Variants in IRAG2 observed in about 807,000 individuals in gnomAD.
IRAG2 encodes inositol 1,4,5-triphosphate receptor associated 2, also known as lymphoid restricted membrane protein.
In IRAG2, 45 loss-of-function variants were observed where a neutral mutation model predicts 69.9. The observed-to-expected ratio is 0.64, with a 90% CI of 0.51 to 0.83. The LOEUF is 0.83. Ranked by LOEUF, IRAG2 falls within the 40% of genes least tolerant of loss-of-function variation. IRAG2 has a pLI of 0.00. For synonymous variants in IRAG2, 193 were observed against 202.4 expected, an observed-to-expected ratio of 0.95 and a Z score of 0.40; for missense variants, 520 against 587.0, an observed-to-expected ratio of 0.89 and a Z score of 1.18.
rs1947892498 is a variant in IRAG2 at position 25,089,628 on chromosome 12, CCT to C, written c.391_392del (p.Leu131SerfsTer9). On this transcript the variant is annotated frameshift_variant, in exon 12 of 22. Transcript: ENST00000556887. LOFTEE classifies it high-confidence loss of function. ...EHASGDSVVS[P>X]LPVTTVKSVN... ...TATTTTAATAGACTCTGTGGTTTCC[CCT>C]CTTCCTGTAACCACTGTGAAATCGG... The C allele has an allele frequency of 1.3e-6, 2 of 1,596,300 alleles. No homozygotes were observed. The highest frequency in any genetic ancestry group is 1.7e-6 in the Non-Finnish European group (2 of 1,165,338).
intron 3 of IRAG2, among the ~76,000 whole-genome samples, chr12:25,014,386 G>A (rs536418790): frequency 1.3e-5 from 2 of 152,308 alleles, no homozygotes; most frequent in East Asian, 3.9e-4. Flanking sequence ...AGAACTCTGT[G>A]TGAGTTCTTT....
At chr12:25,042,849 A>G (rs1447616874) in intron 16 of IRAG2, among the ~76,000 whole-genome samples, 1 of 152,146 alleles carries the variant, frequency 6.6e-6, no homozygotes, top group Non-Finnish European at 1.5e-5. Flanking sequence ...GTGAAAATAC[A>G]TATAAGTAAT....
Position 25,105,725 on chromosome 12 carries a change from T to A in IRAG2, c.1149-1218T>A, listed in dbSNP as rs544129622. Among the ~76,000 whole-genome samples the A allele has an allele frequency of 3.3e-5, 5 of 152,310 alleles. No homozygotes were observed. The South Asian group carries it at 1.0e-3, about 32-fold the overall frequency. ...GTATGGTATGATTTCTACTGAGAAG[T>A]CTTTGTAAACAAGACTGAAACCTTG... On this transcript the variant is annotated intron_variant, in intron 20 of 21. Transcript: ENST00000556887.
At chr12:25,058,445 G>A (rs1397054120) in intron 1 of IRAG2, among the ~76,000 whole-genome samples, 2 of 151,990 alleles carry the variant, frequency 1.3e-5, no homozygotes, top group African/African-American at 2.4e-5. Flanking sequence ...TTTATTCTTG[G>A]ATATAAGTCC....
At chr12:25,056,051 C>T (rs185313436) in intron 1 of IRAG2, among the ~76,000 whole-genome samples, 12 of 152,144 alleles carry the variant, frequency 7.9e-5, no homozygotes, top group Admixed American at 2.0e-4. Context: ...CTTATTTGAA[C>T]GTAGTATCTG....
intron 15 of IRAG2, chr12:25,100,961 T>A: frequency 5.1e-6 from 2 of 390,954 alleles, no homozygotes; most frequent in East Asian, 8.2e-5. Flanking sequence ...TTCCAGGTCT[T>A]AGTCATTTGC....
At chr12:25,004,598 T>A in exon 1 of IRAG2, 1 of 1,232,136 alleles carries the variant, frequency 8.1e-7, no homozygotes, top group East Asian at 3.2e-5. Flanking sequence ...GATGCCTTCA[T>A]TTCATCGCCT....
chr12:25,004,413 C>T (rs948754652), exon 1 of IRAG2: 4 of 1,232,016 alleles, frequency 3.2e-6, no homozygotes, highest in African/African-American at 3.1e-5. Context: ...AGATCAGAGC[C>T]ATCCACAAGA....
intron 1 of IRAG2, among the ~76,000 whole-genome samples, chr12:25,055,725 G>A (rs775920536): frequency 7.9e-5 from 12 of 152,118 alleles, no homozygotes; most frequent in Non-Finnish European, 1.3e-4. Flanking sequence ...CTGTCCTTGC[G>A]ATAGTTTGCT....
At chr12:25,050,548 C>CAAAAAAAAAAAAAAAAAAAAA (rs1282504216), upstream of IRAG2, among the ~76,000 whole-genome samples, 1 of 74,180 alleles carries the variant, frequency 1.3e-5, no homozygotes, top group Admixed American at 1.6e-4. Flanking sequence ...AACAAACAAA[C>CAAAAAAAAAAAAAAAAAAAAA]AAACAAAAAA....
In IRAG2 at chr12:25,107,009, T is replaced by C; in HGVS notation, c.1215T>C (p.Ser405=). ...AAAGGACAAGGAAGCCAAGTCTTTC[T>C]GAAAAGAAAAATAATCCATCAAAGT... ...TVERTRKPSL[S]EKKNNPSKWD... The change falls in exon 21 of 22, where the codon TCT becomes TCC. Residue 405 remains serine, a synonymous_variant. Coordinates refer to ENST00000556887, the MANE Select transcript of IRAG2 (RefSeq NM_001366544.2). The C allele has an allele frequency of 6.2e-7, 1 of 1,607,980 alleles. No homozygotes were observed. Among genetic ancestry groups the C allele is most frequent in the South Asian group, 1.1e-5 (1 of 90,348 alleles).
chr12:25,101,093 G>T, intron 15 of IRAG2, 85 bp from the exon 16 acceptor site: 1 of 1,175,910 alleles, frequency 8.5e-7, no homozygotes, highest in Non-Finnish European at 1.2e-6. Flanking sequence ...TTTAGGAATG[G>T]AGTGAAGGTA....
chr12:25,044,991 T>C (rs915972726), intron 16 of IRAG2, among the ~76,000 whole-genome samples: 3 of 152,118 alleles, frequency 2.0e-5, no homozygotes, highest in Admixed American at 1.3e-4. Context: ...TTCTTCAGGA[T>C]AGACCACACA....
intron 5 of IRAG2, among the ~76,000 whole-genome samples, chr12:25,067,808 C>T (rs1946084768): frequency 6.6e-6 from 1 of 152,046 alleles, no homozygotes; most frequent in Non-Finnish European, 1.5e-5. Context: ...GCTGAGACCA[C>T]AGGTGCCTGC....
chr12:25,070,943 C>A (rs182931666), intron 6 of IRAG2, among the ~76,000 whole-genome samples: 34 of 152,244 alleles, frequency 2.2e-4, no homozygotes, highest in Non-Finnish European at 3.5e-4. Context: ...GGAGACAAGT[C>A]TACTCAGATC....
At chr12:25,020,101 T>G (rs1004440865) in intron 6 of IRAG2, among the ~76,000 whole-genome samples, 2 of 152,218 alleles carry the variant, frequency 1.3e-5, no homozygotes, top group African/African-American at 2.4e-5. Context: ...ATGTAATTTC[T>G]TAGGAAAAAA....
At chr12:25,032,237 G>A (rs1048780190) in intron 11 of IRAG2, 1 of 399,002 alleles carries the variant, frequency 2.5e-6, no homozygotes, top group Non-Finnish European at 4.4e-6. Context: ...ACCTTGCAAG[G>A]TGGGCTTGTT....
chr12:25,087,408 T>C (rs935055755), intron 10 of IRAG2, among the ~76,000 whole-genome samples: 1 of 152,070 alleles, frequency 6.6e-6, no homozygotes, highest in African/African-American at 2.4e-5. Context: ...CCTCAGGTGA[T>C]CCACCCACCT....
In IRAG2 at chr12:25,089,600, TTA is replaced by T. The variant is rs757451082; in HGVS notation, c.374-10_374-9del. On this transcript the variant is annotated splice_polypyrimidine_tract_variant and intron_variant, in intron 11 of 21. Coordinates refer to ENST00000556887, the MANE Select transcript of IRAG2 (RefSeq NM_001366544.2). Reference sequence around the variant, plus strand: ...GCCTTTTTAACCAAATAATATTTTATTATATTTTAATAGACTCTGTGGTTTCC... The same window carrying T: ...GCCTTTTTAACCAAATAATATTTTATTATTTTAATAGACTCTGTGGTTTCC... 6.2e-5 allele frequency: 94 copies of T among 1,508,296 alleles called. No homozygotes were observed. The Middle Eastern group carries it at 9.0e-4, about 14-fold the overall frequency. 93.4% of individuals were successfully genotyped at this position (1,508,296 alleles called of 1,614,324 possible). A position where few individuals can be genotyped will look rare whatever the true frequency, so the allele number is the denominator to read the frequency against.
Sources: allele counts gnomAD v4.1 joint callset (sites outside exome capture counted in the v4.1 genomes callset), GRCh38; gene constraint gnomAD v4.1.1; transcripts MANE v1.5; gene names NCBI Gene and HGNC (gene_info 2026-07-23, HGNC 2026-07-21).